Variants in NALF1 observed in about 807,000 individuals in gnomAD.
NALF1 encodes the protein NALCN channel auxiliary factor 1, also known as family with sequence similarity 155 member A.
NALF1 carries 3 observed loss-of-function variants against 48.4 expected under a neutral mutation model. That is an observed-to-expected ratio of 0.06 (90% CI 0.03 to 0.16). The LOEUF is 0.16. Among genes scored for constraint, NALF1 ranks in the 10% least tolerant of loss-of-function variants. The pLI is 1.00. For missense variants in NALF1, 526 were observed against 571.5 expected (o/e 0.92, Z 0.81); for synonymous variants, 262 against 245.7 (o/e 1.07, Z -0.62).
At chr13:107,759,671 CCTTACCTTACTGTGTT>C (rs1877210154) in intron 1 of NALF1, among the ~76,000 whole-genome samples, 1 of 152,186 alleles carries the variant, frequency 6.6e-6, no homozygotes, top group South Asian at 2.1e-4. Context: ...TGTGTTCTCC[CCTTACCTTACTGTGTT>C]CTTACCTTAC....
intron 1 of NALF1, among the ~76,000 whole-genome samples, chr13:107,309,020 T>A (rs1881994615): frequency 6.6e-6 from 1 of 152,244 alleles, no homozygotes; most frequent in African/African-American, 2.4e-5. Flanking sequence ...ATACGTTTTG[T>A]CTGCTTGTTT....
chr13:107,511,273 T>C (rs770948991), intron 1 of NALF1, among the ~76,000 whole-genome samples: 19 of 152,220 alleles, frequency 1.2e-4, no homozygotes, highest in Admixed American at 3.9e-4. Context: ...CTAGATCGTA[T>C]TGTCGCCCAG....
chr13:107,432,854 C>A (rs1031045374), intron 1 of NALF1, among the ~76,000 whole-genome samples: 4 of 152,054 alleles, frequency 2.6e-5, no homozygotes, highest in Non-Finnish European at 5.9e-5. Context: ...AATTGTGTGG[C>A]AATAGTTAAG....
At chr13:107,479,064 T>C (rs1224516849) in intron 1 of NALF1, among the ~76,000 whole-genome samples, 1 of 152,090 alleles carries the variant, frequency 6.6e-6, no homozygotes, top group East Asian at 1.9e-4. Flanking sequence ...GAATGCAGAG[T>C]GCCAAAGGAA....
chr13:107,199,474 C>G (rs1879463967), intron 2 of NALF1, among the ~76,000 whole-genome samples: 1 of 152,090 alleles, frequency 6.6e-6, no homozygotes, highest in Admixed American at 6.5e-5. Context: ...TTGAAGAGCT[C>G]CATAACCAAG....
At chr13:107,722,985 T>C (rs1876032419) in intron 1 of NALF1, among the ~76,000 whole-genome samples, 1 of 152,236 alleles carries the variant, frequency 6.6e-6, no homozygotes, top group South Asian at 2.1e-4. Context: ...AAATGTAGAA[T>C]TTTCCACGTA....
At chr13:107,459,909 T>A (rs1884890123) in intron 1 of NALF1, among the ~76,000 whole-genome samples, 1 of 152,082 alleles carries the variant, frequency 6.6e-6, no homozygotes, top group Non-Finnish European at 1.5e-5. Flanking sequence ...ACCCAGCTAA[T>A]TTTTGTATTC....
At chr13:107,772,984 T>G (rs1030875407) in intron 1 of NALF1, among the ~76,000 whole-genome samples, 14 of 151,914 alleles carry the variant, frequency 9.2e-5, no homozygotes, top group Admixed American at 1.3e-4. Flanking sequence ...GAAAAGAGGG[T>G]TTTTTTTACA....
chr13:107,396,636 AGTACTC>A (rs1041785940), intron 1 of NALF1, among the ~76,000 whole-genome samples: 102 of 152,342 alleles, frequency 6.7e-4, no homozygotes, highest in African/African-American at 2.4e-3. Flanking sequence ...GGCAAGGCCA[AGTACTC>A]ATGGAAAATA....
intron 1 of NALF1, among the ~76,000 whole-genome samples, chr13:107,335,173 T>G (rs1882533706): frequency 6.6e-6 from 1 of 152,140 alleles, no homozygotes; most frequent in Non-Finnish European, 1.5e-5. Context: ...CGAAGTCTTC[T>G]GCTAAAGGAA....
At chr13:107,522,011 T>C (rs548757263) in intron 1 of NALF1, among the ~76,000 whole-genome samples, 152 of 152,064 alleles carry the variant, frequency 1.0e-3, no homozygotes, top group African/African-American at 3.5e-3. Context: ...TAAATCTTAC[T>C]AGGTCCCTAT....
intron 1 of NALF1, among the ~76,000 whole-genome samples, chr13:107,686,287 A>G (rs1255831948): frequency 2.0e-5 from 3 of 152,190 alleles, no homozygotes; most frequent in African/African-American, 4.8e-5. Flanking sequence ...AGGAAGTTCA[A>G]TTTCACATGA....
chr13:107,415,101 T>G (rs2139003918), intron 1 of NALF1, among the ~76,000 whole-genome samples: 1 of 152,244 alleles, frequency 6.6e-6, no homozygotes, highest in South Asian at 2.1e-4. Flanking sequence ...CAAAATAAAC[T>G]TCAGGACATT....
At chr13:107,612,312 C>T (rs974305175) in intron 1 of NALF1, among the ~76,000 whole-genome samples, 1 of 152,094 alleles carries the variant, frequency 6.6e-6, no homozygotes, top group African/African-American at 2.4e-5. Context: ...GAAGCTTCAG[C>T]CACGCAAGAC....
intron 1 of NALF1, among the ~76,000 whole-genome samples, chr13:107,676,596 AATTT>A (rs1048757421): frequency 3.8e-5 from 4 of 105,404 alleles, no homozygotes; most frequent in African/African-American, 1.6e-4. Flanking sequence ...TCATTAAATT[AATTT>A]AATTTAATTA....
chr13:107,668,974 C>T (rs1022966001), intron 1 of NALF1, among the ~76,000 whole-genome samples: 1 of 152,042 alleles, frequency 6.6e-6, no homozygotes. Flanking sequence ...AATCAGAAAT[C>T]AGTAAACCGT....
At chr13:107,853,733 G>C (rs528861257) in intron 1 of NALF1, among the ~76,000 whole-genome samples, 1 of 152,256 alleles carries the variant, frequency 6.6e-6, no homozygotes, top group African/African-American at 2.4e-5. Flanking sequence ...AGATTCTGCA[G>C]TTATTTAGAA....
At chr13:107,446,405 T>TCACCCACACA (rs1884651298) in intron 1 of NALF1, among the ~76,000 whole-genome samples, 1 of 145,990 alleles carries the variant, frequency 6.8e-6, no homozygotes, top group Non-Finnish European at 1.5e-5. Context: ...ATAATTAAAT[T>TCACCCACACA]CACACACACA....
intron 1 of NALF1, among the ~76,000 whole-genome samples, chr13:107,751,645 T>C (rs1034253812): frequency 6.6e-6 from 1 of 152,140 alleles, no homozygotes; most frequent in Non-Finnish European, 1.5e-5. Context: ...CGTGTACAAA[T>C]TGAAGGCCTA....
Sources: gnomAD v4.1 joint callset for allele counts (sites outside exome capture counted in the v4.1 genomes callset) on GRCh38, gnomAD v4.1.1 for gene constraint, MANE v1.5 for transcripts, NCBI Gene and HGNC (gene_info 2026-07-23, HGNC 2026-07-21) for gene names.